MICU1: variants seen among roughly 807,000 people sequenced by gnomAD.
MICU1 encodes the protein calcium uptake protein 1, mitochondrial.
A neutral mutation model predicts 56.8 loss-of-function variants in MICU1; 45 were observed. The ratio of observed to expected loss-of-function variants is 0.79; its 90% CI spans 0.62 to 1.02. The LOEUF (loss-of-function observed/expected upper bound fraction) is 1.02. Ranked by LOEUF, MICU1 falls within the 50% of genes least tolerant of loss-of-function variation. The pLI is 0.00. For missense variants in MICU1, 504 were observed against 587.1 expected (o/e 0.86, Z 1.46); for synonymous variants, 186 against 195.1 (o/e 0.95, Z 0.39).
In MICU1 at chr10:72,446,788, T is replaced by A. The variant is rs376717690; in HGVS notation, c.934-23417A>T. 1.1e-3 allele frequency among the ~76,000 whole-genome samples: 175 copies of A among 152,322 alleles called. No individual in the cohort carries two copies. The East Asian group carries it at 0.013, about 11-fold the overall frequency. ...GATTCAATGAAATATGGCAGTAGGA[T>A]GCCTGGCACATACTAAGAGCTCAGT... On this transcript the variant is annotated intron_variant, in intron 8 of 11. Coordinates refer to ENST00000361114, the MANE Select transcript of MICU1 (RefSeq NM_001195518.2).
In MICU1 at chr10:72,368,086, G is replaced by T; in HGVS notation, c.*109C>A. 1 of 1,192,814 alleles carries T rather than the reference G, an allele frequency of 8.4e-7. No homozygotes were observed. The highest frequency in any genetic ancestry group is 1.2e-6 in the Non-Finnish European group (1 of 853,398). The allele number at this position is 1,192,814 out of a possible 1,614,324, so 73.9% of individuals were successfully genotyped here. The stretch of plus-strand genomic sequence containing the variant: ...CGACAGAGTCCTGAGGTCATCCCGG[G>T]AGGAAGGGGGACTACTTCCAGAAGC... On this transcript the variant is annotated 3_prime_UTR_variant, in exon 12 of 12. Coordinates refer to ENST00000361114, the MANE Select transcript of MICU1 (RefSeq NM_001195518.2).
At chr10:72,377,434 T>G (rs900837005) in intron 10 of MICU1, among the ~76,000 whole-genome samples, 1 of 152,146 alleles carries the variant, frequency 6.6e-6, no homozygotes, top group African/African-American at 2.4e-5. Flanking sequence ...CGGCCAATAG[T>G]TCAGGATGCA....
chr10:72,616,370 A>G (rs1283007308), intron 1 of MICU1, among the ~76,000 whole-genome samples: 1 of 152,120 alleles, frequency 6.6e-6, no homozygotes, highest in African/African-American at 2.4e-5. Context: ...AGGCTAATTT[A>G]CCCACTGTTA....
At chr10:72,456,846 A>ATT (rs1254221156) in intron 8 of MICU1, among the ~76,000 whole-genome samples, 1 of 96,252 alleles carries the variant, frequency 1.0e-5, no homozygotes, top group Admixed American at 1.2e-4. Context: ...TGCCGGGCTC[A>ATT]TTTTGTGTGT....
In MICU1 at chr10:72,460,714, C is replaced by T. The variant is rs1865614366; in HGVS notation, c.933+14386G>A. On this transcript the variant is annotated intron_variant, in intron 8 of 11. Transcript: ENST00000361114. ...TCTGGCTCCTAGGACATTGTCTAGA[C>T]TTCCCAGACTCCTCCAAGGCTGGGT... Among the ~76,000 whole-genome samples, 4 of 152,070 alleles carry T rather than the reference C, an allele frequency of 2.6e-5. No homozygotes were observed. The South Asian group carries it at 8.3e-4, about 31-fold the overall frequency.
At chr10:72,404,518 C>T (rs1404778512) in intron 10 of MICU1, among the ~76,000 whole-genome samples, 1 of 151,950 alleles carries the variant, frequency 6.6e-6, no homozygotes, top group Non-Finnish European at 1.5e-5. Context: ...AATTGCTAAA[C>T]CCCTAGGTAG....
intron 7 of MICU1, chr10:72,476,002 G>C: frequency 2.4e-6 from 1 of 409,434 alleles, no homozygotes; most frequent in South Asian, 1.8e-5. Flanking sequence ...TGAGGTGGGT[G>C]GATCACCTGC....
At chr10:72,483,296 T>C (rs562780755) in intron 6 of MICU1, 14 of 154,232 alleles carry the variant, frequency 9.1e-5, no homozygotes, top group African/African-American at 3.4e-4. Context: ...CAATAACCCA[T>C]TGAATAGCCA....
chr10:72,503,247 C>T (rs1867136118), intron 6 of MICU1, among the ~76,000 whole-genome samples: 1 of 152,086 alleles, frequency 6.6e-6, no homozygotes, highest in Non-Finnish European at 1.5e-5. Flanking sequence ...TATAAAGGCA[C>T]AGGTCTAAAA....
rs182846776 is a variant in MICU1, at chr10:72,480,983, G to A, written c.653-3727C>T. ...GTTCCTTTCAAAGTACTGGCTTTATGTGGAGCAACTGAGAGTGCTTGTTAA... is the reference window on the plus strand; with the variant it reads ...GTTCCTTTCAAAGTACTGGCTTTATATGGAGCAACTGAGAGTGCTTGTTAA... On this transcript the variant is annotated intron_variant, in intron 6 of 11. Coordinates refer to ENST00000361114, the MANE Select transcript of MICU1 (RefSeq NM_001195518.2). Among the ~76,000 whole-genome samples, 373 of 152,314 alleles carry A rather than the reference G, an allele frequency of 2.4e-3. 1 individual carries two copies. Among genetic ancestry groups the A allele is most frequent in the African/African-American group, 8.5e-3 (352 of 41,570 alleles).
At chr10:72,398,506 C>A (rs1012498999) in intron 10 of MICU1, among the ~76,000 whole-genome samples, 1 of 150,430 alleles carries the variant, frequency 6.6e-6, no homozygotes, top group Non-Finnish European at 1.5e-5. Flanking sequence ...ATCTAGGAGC[C>A]GGTTTTTTGA....
chr10:72,505,386 T>G (rs1867211163), intron 6 of MICU1, among the ~76,000 whole-genome samples: 1 of 152,174 alleles, frequency 6.6e-6, no homozygotes, highest in Non-Finnish European at 1.5e-5. Context: ...CTTCAGCCAC[T>G]GTGGAAACCA....
At chr10:72,416,219 G>A (rs1249804840) in intron 9 of MICU1, among the ~76,000 whole-genome samples, 1 of 151,732 alleles carries the variant, frequency 6.6e-6, no homozygotes, top group African/African-American at 2.4e-5. Context: ...AATAATAGAG[G>A]GAAAACTCAT....
intron 1 of MICU1, among the ~76,000 whole-genome samples, chr10:72,607,423 G>A (rs1196670392): frequency 6.6e-6 from 1 of 151,428 alleles, no homozygotes; most frequent in Non-Finnish European, 1.5e-5. Flanking sequence ...GGTGGATCAT[G>A]AGGCCAGGAG....
intron 3 of MICU1, among the ~76,000 whole-genome samples, chr10:72,554,042 A>G (rs1023162508): frequency 1.3e-5 from 2 of 152,184 alleles, no homozygotes; most frequent in African/African-American, 2.4e-5. Context: ...CATATACCTT[A>G]TAAGACTTTC....
intron 1 of MICU1, among the ~76,000 whole-genome samples, chr10:72,623,238 T>C (rs528796417): frequency 7.5e-6 from 1 of 132,696 alleles, no homozygotes; most frequent in East Asian, 2.1e-4. Context: ...GCCATTGCAC[T>C]GTAGCCTTGG....
At chr10:72,595,447 C>CAAAAAAAAAA (rs1255926638) in intron 1 of MICU1, among the ~76,000 whole-genome samples, 2 of 41,134 alleles carry the variant, frequency 4.9e-5, no homozygotes, top group African/African-American at 8.4e-5. Context: ...GACTCTGTCT[C>CAAAAAAAAAA]AAAAAAAAAA....
At chr10:72,534,916 A>G (rs1589317237) in intron 4 of MICU1, among the ~76,000 whole-genome samples, 1 of 151,982 alleles carries the variant, frequency 6.6e-6, no homozygotes, top group East Asian at 1.9e-4. Context: ...ATAAAGGCTG[A>G]TATTTATCAG....
At chr10:72,513,432 G>A (rs1283262351) in intron 5 of MICU1, among the ~76,000 whole-genome samples, 2 of 152,112 alleles carry the variant, frequency 1.3e-5, no homozygotes, top group South Asian at 2.1e-4. Context: ...AGTTCTAATC[G>A]AAGTTCTTTA....
Sources: allele counts gnomAD v4.1 joint callset (sites outside exome capture counted in the v4.1 genomes callset), GRCh38; gene constraint gnomAD v4.1.1; transcripts MANE v1.5; gene names NCBI Gene and HGNC (gene_info 2026-07-23, HGNC 2026-07-21).